Variants in TSHR observed in about 807,000 individuals in gnomAD.
TSHR encodes thyroid stimulating hormone receptor, also known as thyrotropin receptor.
TSHR carries 51 observed loss-of-function variants against 64.1 expected under a neutral mutation model. That is an observed-to-expected ratio of 0.80 (90% CI 0.64 to 1.01). The LOEUF (loss-of-function observed/expected upper bound fraction) is 1.01, where lower values mean the gene tolerates loss of function less well. Among genes scored for constraint, TSHR ranks in the 50% least tolerant of loss-of-function variants. TSHR has a pLI of 0.00. For synonymous variants in TSHR, 361 were observed against 361.9 expected (o/e 1.00, Z 0.03); for missense variants, 877 against 942.8 (o/e 0.93, Z 0.91).
intron 3 of TSHR, among the ~76,000 whole-genome samples, chr14:81,071,967 A>G (rs1398876546): frequency 6.6e-6 from 1 of 152,140 alleles, no homozygotes; most frequent in East Asian, 1.9e-4. Flanking sequence ...ATATGAGGTG[A>G]TTACTGGGAA....
At position 80,971,129 on chromosome 14, in the gene TSHR, G is replaced by A. The variant is rs149956645; in HGVS notation, c.170+15279G>A. 6.1e-3 allele frequency among the ~76,000 whole-genome samples: 930 copies of A among 152,208 alleles called. 7 individuals are homozygous for A. The highest frequency in any genetic ancestry group is 0.021 in the African/African-American group (859 of 41,538). ...GTGAGCCACCATACCTGGCCAGAAG[G>A]GATTTTTTAGAATGCCGCAGACTAA... On this transcript the variant is annotated intron_variant, in intron 1 of 9. Coordinates refer to ENST00000298171, the MANE Select transcript of TSHR (RefSeq NM_000369.5).
intron 3 of TSHR, among the ~76,000 whole-genome samples, chr14:81,082,570 C>G (rs185501491): frequency 5.9e-5 from 9 of 152,306 alleles, no homozygotes; most frequent in African/African-American, 2.2e-4. Context: ...ACCCCAAGGT[C>G]TCTCTCTGGT....
chr14:80,961,416 G>A (rs769406174), intron 1 of TSHR, among the ~76,000 whole-genome samples: 4 of 152,190 alleles, frequency 2.6e-5, no homozygotes, highest in Admixed American at 6.5e-5. Context: ...TTCAGCGAAG[G>A]CTTTGAGCTA....
Position 81,139,805 on chromosome 14 carries a change from A to G in TSHR, c.819A>G (p.Thr273=). Residue 273 remains threonine (T), a synonymous_variant, in exon 9 of 10, where the codon ACA becomes ACG. Transcript: ENST00000298171. The part of the protein sequence containing the change: ...LPLSLSFLHL[T]RADLSYPSHC... ...TTTCCTTGAGTTTCCTTCACCTCAC[A>G]CGGGCTGACCTTTCTTACCCAAGCC... is the stretch of plus-strand genomic sequence containing the variant. The G allele has an allele frequency of 2.5e-6, 4 of 1,614,166 alleles. No individual in the cohort carries two copies. The highest frequency in any genetic ancestry group is 2.7e-5 in the African/African-American group (2 of 75,034).
intron 1 of TSHR, among the ~76,000 whole-genome samples, chr14:81,047,652 T>C (rs1047985284): frequency 1.3e-5 from 2 of 148,762 alleles, no homozygotes; most frequent in African/African-American, 2.4e-5. Context: ...GACACATGTT[T>C]GTTCATTGGC....
At chr14:81,057,340 G>C (rs1885891355) in intron 1 of TSHR, among the ~76,000 whole-genome samples, 1 of 152,148 alleles carries the variant, frequency 6.6e-6, no homozygotes, top group Non-Finnish European at 1.5e-5. Context: ...GAACCCCAGA[G>C]GCAGAGGTTG....
At chr14:81,006,871 G>T (rs1889634940) in intron 1 of TSHR, among the ~76,000 whole-genome samples, 1 of 152,200 alleles carries the variant, frequency 6.6e-6, no homozygotes, top group Admixed American at 6.5e-5. Flanking sequence ...AAATTTGGAT[G>T]GGGACACAAG....
At chr14:81,078,385 C>T (rs754297176) in intron 3 of TSHR, among the ~76,000 whole-genome samples, 19 of 152,106 alleles carry the variant, frequency 1.2e-4, no homozygotes, top group African/African-American at 3.6e-4. Context: ...TAGTCGTATC[C>T]GTGTTATTAT....
chr14:81,134,961 TAAC>T (rs1891396114), intron 8 of TSHR, among the ~76,000 whole-genome samples: 1 of 152,120 alleles, frequency 6.6e-6, no homozygotes, highest in Admixed American at 6.5e-5. Flanking sequence ...CCAGAAGTAA[TAAC>T]AAGTCAATGA....
intron 1 of TSHR, among the ~76,000 whole-genome samples, chr14:81,005,197 T>TTC (rs972094237): frequency 1.3e-5 from 2 of 149,790 alleles, no homozygotes; most frequent in African/African-American, 5.0e-5. Flanking sequence ...ACTCAAGCCT[T>TTC]TGTGTGTGTG....
chr14:81,078,006 T>G (rs1887624111), intron 3 of TSHR, among the ~76,000 whole-genome samples: 1 of 152,220 alleles, frequency 6.6e-6, no homozygotes, highest in Non-Finnish European at 1.5e-5. Context: ...TGTTGTCATA[T>G]ATTTTATTCC....
chr14:81,047,340 CT>C (rs1251678280), intron 1 of TSHR, among the ~76,000 whole-genome samples: 4 of 152,096 alleles, frequency 2.6e-5, no homozygotes, highest in African/African-American at 9.7e-5. Flanking sequence ...ACACACACCC[CT>C]CCCCCAAAAT....
At chr14:81,000,744 C>T (rs764785971) in intron 1 of TSHR, among the ~76,000 whole-genome samples, 6 of 152,082 alleles carry the variant, frequency 3.9e-5, no homozygotes, top group Non-Finnish European at 8.8e-5. Context: ...CCCTTAAGCA[C>T]TCTCCAATGC....
rs576051627 is a variant in TSHR at position 81,100,110 on chromosome 14, A to G, written c.614+3403A>G. 2.7e-3 allele frequency among the ~76,000 whole-genome samples: 417 copies of G among 152,326 alleles called. 4 individuals carry two copies. Among genetic ancestry groups the G allele is most frequent in the African/African-American group, 9.6e-3 (401 of 41,558 alleles). On this transcript the variant is annotated intron_variant, in intron 7 of 9. Transcript: ENST00000298171. ...AGGGGGAGCTATGTTCCTTTAAACT[A>G]TATTTCTTCAACTCTCTTTCCATAG...
chr14:81,018,255 T>C (rs2268466), intron 1 of TSHR, among the ~76,000 whole-genome samples: 18,777 of 152,228 alleles, frequency 0.12, 1,333 homozygotes, highest in East Asian at 0.32. Context: ...AATGACTTCA[T>C]GTCTTGCTGT....
Position 81,142,849 on chromosome 14 carries a change from A to G in TSHR, c.882-91A>G, listed in dbSNP as rs536231159. On this transcript the variant is annotated intron_variant, in intron 9 of 9. Transcript: ENST00000298171. ...GGTCTCAAACTCCTAGGCTCAAGCAATCCACCTGCCTTGGCCTCCCAAAGT... is the reference window on the plus strand; with the variant it reads ...GGTCTCAAACTCCTAGGCTCAAGCAGTCCACCTGCCTTGGCCTCCCAAAGT... The G allele has an allele frequency of 2.6e-6, 3 of 1,134,482 alleles. No individual in the cohort carries two copies. In the African/African-American group the frequency reaches 4.6e-5, roughly 17 times the overall value. 70.3% of individuals were successfully genotyped at this position (1,134,482 alleles called of 1,614,324 possible).
chr14:81,030,910 A>G (rs1341522000), intron 1 of TSHR, among the ~76,000 whole-genome samples: 1 of 152,158 alleles, frequency 6.6e-6, no homozygotes, highest in Non-Finnish European at 1.5e-5. Context: ...ACATTTTTTC[A>G]TTATAATGGA....
rs11396824 is a variant in TSHR, at chr14:81,095,571, C to CAA, written c.546-1058_546-1057dup. 1.2e-4 allele frequency: 18 copies of CAA among 147,624 alleles called. No individual in the cohort carries two copies. In the East Asian group the frequency reaches 1.8e-3, roughly 15 times the overall value. The allele number at this position is 147,624 out of a possible 1,614,324, so 9.1% of individuals were successfully genotyped here. ...TGGGCAACAGTGCCAGACTCCCTGT[C>CAA]AAAAAAAAAAATCATATTTGAAGTC... is the stretch of plus-strand genomic sequence containing the variant. On this transcript the variant is annotated intron_variant, in intron 6 of 9. Coordinates refer to ENST00000298171, the MANE Select transcript of TSHR (RefSeq NM_000369.5).
intron 1 of TSHR, among the ~76,000 whole-genome samples, chr14:81,037,946 C>A (rs939060742): frequency 2.6e-4 from 30 of 117,320 alleles, no homozygotes; most frequent in African/African-American, 5.2e-4. Flanking sequence ...AAAAAAAAAA[C>A]ACTGGATTTA....
Sources: allele counts gnomAD v4.1 joint callset (sites outside exome capture counted in the v4.1 genomes callset), GRCh38; gene constraint gnomAD v4.1.1; transcripts MANE v1.5; gene names NCBI Gene and HGNC (gene_info 2026-07-23, HGNC 2026-07-21).